Variants in SPEF2 observed in about 807,000 individuals in gnomAD.
SPEF2 encodes sperm flagella and cilia-associated protein 2.
Under a neutral mutation model 224.6 loss-of-function variants are expected in SPEF2, and 187 were observed. The observed-to-expected ratio is 0.83, with a 90% CI of 0.74 to 0.94. The LOEUF (loss-of-function observed/expected upper bound fraction) is 0.94. Among genes scored for constraint, SPEF2 ranks in the 40% least tolerant of loss-of-function variants. SPEF2 has a pLI of 0.00. For missense variants in SPEF2, 2,170 were observed against 2,135.6 expected, an observed-to-expected ratio of 1.02 and a Z score of -0.32; for synonymous variants, 715 against 707.3, an observed-to-expected ratio of 1.01 and a Z score of -0.17.
chr5:35,644,454 C>T lies in SPEF2; in HGVS notation c.514C>T (p.His172Tyr). 6.2e-7 allele frequency: 1 copy of T among 1,610,652 alleles called. No homozygotes were observed. Among genetic ancestry groups the T allele is most frequent in the Non-Finnish European group, 8.5e-7 (1 of 1,178,838 alleles). Residue 172 changes from histidine to tyrosine, a missense_variant, in exon 4 of 37, where the codon CAT becomes TAT. Transcript: ENST00000356031. ...KYKHVKEDLA[H>Y]LHFEKLERFQ... ...TAAACACGTGAAAGAAGATCTTGCC[C>T]ATTTGCATTTTGAGAAACTTGAAAG...
chr5:35,765,225 T>C (rs1249850314), intron 26 of SPEF2, among the ~76,000 whole-genome samples: 3 of 152,220 alleles, frequency 2.0e-5, no homozygotes, highest in Non-Finnish European at 4.4e-5. Flanking sequence ...TTTGTCTTTT[T>C]TGTGTCTTAT....
At chr5:35,773,757 A>G (rs1388752777) in intron 27 of SPEF2, 136 bp from the exon 28 acceptor site, 1 of 997,940 alleles carries the variant, frequency 1.0e-6, no homozygotes, top group Non-Finnish European at 1.4e-6. Context: ...TGCTGGGAGG[A>G]CCAAGGTTTC....
At chr5:35,680,704 T>C (rs550540566) in intron 10 of SPEF2, among the ~76,000 whole-genome samples, 36 of 152,244 alleles carry the variant, frequency 2.4e-4, no homozygotes, top group Non-Finnish European at 3.8e-4. Flanking sequence ...TGAAATTCAG[T>C]TGATTTGTGA....
intron 30 of SPEF2, among the ~76,000 whole-genome samples, chr5:35,785,279 G>A (rs1215463636): frequency 6.6e-6 from 1 of 152,128 alleles, no homozygotes; most frequent in Admixed American, 6.5e-5. Flanking sequence ...ATGCAGTAGT[G>A]GATCTAGAAG....
chr5:35,814,420 C>G, intron 36 of SPEF2, 44 bp from the exon 37 acceptor site: 1 of 1,152,186 alleles, frequency 8.7e-7, no homozygotes, highest in Non-Finnish European at 1.3e-6. Context: ...TATTGATCAT[C>G]CTTTATTAGT....
chr5:35,785,418 G>A (rs891520415), intron 30 of SPEF2, among the ~76,000 whole-genome samples: 1 of 152,052 alleles, frequency 6.6e-6, no homozygotes, highest in Non-Finnish European at 1.5e-5. Context: ...AGAATTCAAG[G>A]TAATATCTTT....
chr5:35,751,034 T>TATATATAC lies in SPEF2; in HGVS notation c.3331-2589_3331-2588insTATATACA, dbSNP rs1189645005. On this transcript the variant is annotated intron_variant, in intron 23 of 36. Transcript: ENST00000356031. The stretch of plus-strand genomic sequence containing the variant: ...ATACGTATATATATACGTATATATA[T>TATATATAC]ACACATATGTATATATATATACGTA... Among the ~76,000 whole-genome samples, 116 of 93,498 alleles carry TATATATAC rather than the reference T, an allele frequency of 1.2e-3. 1 individual carries two copies. The highest frequency in any genetic ancestry group is 2.0e-3 in the Non-Finnish European group (95 of 47,036). The allele number at this position is 93,498 out of a possible 152,430, so 61.3% of individuals were successfully genotyped here.
chr5:35,653,470 C>T (rs1342092052), intron 6 of SPEF2, among the ~76,000 whole-genome samples: 1 of 152,146 alleles, frequency 6.6e-6, no homozygotes, highest in African/African-American at 2.4e-5. Context: ...ACCATCTGTA[C>T]ATAGAAGTAT....
intron 2 of SPEF2, among the ~76,000 whole-genome samples, chr5:35,631,565 A>G (rs1378502133): frequency 1.3e-5 from 2 of 152,240 alleles, no homozygotes; most frequent in African/African-American, 4.8e-5. Flanking sequence ...GTGTGCCTCA[A>G]AAGGTAAACA....
At position 35,630,628 on chromosome 5, in the gene SPEF2, G is replaced by A. The variant is rs942186463; in HGVS notation, c.161+2066G>A. ...GGAGAATGGCATGAACCCGGGAGGC[G>A]GAGCTTGCAGTGAGCCGAGATTGGG... On this transcript the variant is annotated intron_variant, in intron 2 of 36. Coordinates refer to ENST00000356031, the MANE Select transcript of SPEF2 (RefSeq NM_024867.4). Among the ~76,000 whole-genome samples, 10 of 152,172 alleles carry A rather than the reference G, an allele frequency of 6.6e-5. No individual in the cohort carries two copies. In the South Asian group the frequency reaches 1.5e-3, roughly 22 times the overall value.
intron 2 of SPEF2, among the ~76,000 whole-genome samples, chr5:35,630,215 G>T (rs1744890567): frequency 6.6e-6 from 1 of 152,132 alleles, no homozygotes; most frequent in Non-Finnish European, 1.5e-5. Flanking sequence ...TTTTCCAGGT[G>T]CATGGTGCAA....
intron 24 of SPEF2, among the ~76,000 whole-genome samples, chr5:35,758,436 A>G (rs987009824): frequency 2.6e-5 from 4 of 152,158 alleles, no homozygotes; most frequent in African/African-American, 7.2e-5. Flanking sequence ...ATCATATTCT[A>G]CATTTGTGTT....
chr5:35,789,031 A>T (rs1286703684), intron 30 of SPEF2: 2 of 686,430 alleles, frequency 2.9e-6, no homozygotes, highest in Non-Finnish European at 5.3e-6. Context: ...AACTGCACTC[A>T]GTAAGTAATT....
intron 18 of SPEF2, among the ~76,000 whole-genome samples, chr5:35,708,618 TACCTCCACCACCATCACCTCTACCAGC>T (rs1740367926): frequency 6.5e-4 from 1 of 1,536 alleles, no homozygotes; most frequent in Non-Finnish European, 1.5e-3. Flanking sequence ...TCACCACCTC[TACCTCCACCACCATCACCTCTACCAGC>T]ACCTCCACCA....
At chr5:35,807,543 G>A (rs748418102) in intron 36 of SPEF2, 20 of 1,186,640 alleles carry the variant, frequency 1.7e-5, no homozygotes, top group African/African-American at 3.0e-5. Flanking sequence ...TGATTGAAGG[G>A]TTTGGAGAAT....
intron 10 of SPEF2, chr5:35,671,276 T>C (rs2149481090): frequency 1.0e-6 from 1 of 974,426 alleles, no homozygotes; most frequent in South Asian, 4.7e-5. Flanking sequence ...CAAGTAAATA[T>C]TACAAGAAGA....
At chr5:35,798,423 G>T (rs556491049) in intron 33 of SPEF2, among the ~76,000 whole-genome samples, 2 of 151,864 alleles carry the variant, frequency 1.3e-5, no homozygotes, top group African/African-American at 4.9e-5. Flanking sequence ...CAGCCCCTTT[G>T]TCTGTCATGC....
chr5:35,752,742 C>T (rs962422169), intron 23 of SPEF2, among the ~76,000 whole-genome samples: 87 of 4,410 alleles, frequency 0.02, no homozygotes, highest in African/African-American at 0.083. Flanking sequence ...CTTTCTGTGA[C>T]CTTAGAAAGT....
rs1757357672 is a variant in SPEF2, at chr5:35,801,104, C to T, written c.5010+957C>T. ...CATATCTAATGAGCTAACAACTCTT[C>T]AAACCAGTGTGCTGTAAAAAGTGGT... On this transcript the variant is annotated intron_variant, in intron 34 of 36. Transcript: ENST00000356031. 3.3e-5 allele frequency among the ~76,000 whole-genome samples: 5 copies of T among 152,320 alleles called. 1 individual carries two copies. In the South Asian group the frequency reaches 1.0e-3, roughly 32 times the overall value.
Sources: allele counts gnomAD v4.1 joint callset (sites outside exome capture counted in the v4.1 genomes callset), GRCh38; gene constraint gnomAD v4.1.1; transcripts MANE v1.5; gene names NCBI Gene and HGNC (gene_info 2026-07-23, HGNC 2026-07-21).